The following STK39 variants were observed in gnomAD, a reference collection of about 807,000 sequenced individuals.
STK39 encodes serine/threonine kinase 39.
A neutral mutation model predicts 77.8 loss-of-function variants in STK39; 20 were observed. The ratio of observed to expected loss-of-function variants is 0.26; its 90% CI spans 0.18 to 0.37. The LOEUF (loss-of-function observed/expected upper bound fraction) is 0.37, where lower values mean the gene tolerates loss of function less well. STK39 is among the 10% of genes least tolerant of loss of function. STK39 has a pLI of 1.00. For missense variants in STK39, 479 were observed against 656.5 expected (o/e 0.73, Z 2.95); for synonymous variants, 246 against 234.1 (o/e 1.05, Z -0.47).
chr2:168,137,092 T>G (rs1687859514), intron 8 of STK39, among the ~76,000 whole-genome samples: 1 of 152,224 alleles, frequency 6.6e-6, no homozygotes, highest in African/African-American at 2.4e-5. Flanking sequence ...TAGAGAAGGC[T>G]TGCCTACTCA....
Position 168,247,556 on chromosome 2 carries a change from G to GCCGCCGCCGCCA in STK39, c.-122_-121insTGGCGGCGGCGG. ...CACGCCCTCCCCGCCCGCCGCCGCC[G>GCCGCCGCCGCCA]CCGCCGTCCCCGCCGAAGCCAGCTA... On this transcript the variant is annotated 5_prime_UTR_variant, in exon 1 of 18. Transcript: ENST00000355999. The GCCGCCGCCGCCA allele has an allele frequency of 1.3e-6, 1 of 745,106 alleles. No individual in the cohort carries two copies. The highest frequency in any genetic ancestry group is 1.7e-6 in the Non-Finnish European group (1 of 581,734). The allele number at this position is 745,106 out of a possible 1,614,324, so 46.2% of individuals were successfully genotyped here. A position where few individuals can be genotyped will look rare whatever the true frequency, so the allele number is the denominator to read the frequency against.
In STK39 at chr2:168,247,489, TG is replaced by T; in HGVS notation, c.-55del. 8.1e-7 allele frequency: 1 copy of T among 1,240,748 alleles called. No homozygotes were observed. 76.9% of individuals were successfully genotyped at this position (1,240,748 alleles called of 1,614,324 possible). On this transcript the variant is annotated 5_prime_UTR_variant, in exon 1 of 18. Transcript: ENST00000355999. ...GCCGGCCGACGGACGACCTTCCACT[TG>T]AAACTTCCTTTGCCTCGCCGCCGAC... is the stretch of plus-strand genomic sequence containing the variant.
At chr2:168,078,284 T>TC (rs1035032743) in intron 10 of STK39, among the ~76,000 whole-genome samples, 4 of 149,198 alleles carry the variant, frequency 2.7e-5, no homozygotes, top group African/African-American at 9.9e-5. Flanking sequence ...AAGTTCTGAT[T>TC]CCAAGAAAAG....
chr2:167,955,310 T>G lies in STK39; in HGVS notation c.*186A>C, dbSNP rs1236382131. On this transcript the variant is annotated 3_prime_UTR_variant, in exon 18 of 18. Coordinates refer to ENST00000355999, the MANE Select transcript of STK39 (RefSeq NM_013233.3). ...CTAGAGAATAAAGCAGAACTCGGAGTGTTGTAAGTTTTAAAAAATTATTTT... is the reference window on the plus strand; with the variant it reads ...CTAGAGAATAAAGCAGAACTCGGAGGGTTGTAAGTTTTAAAAAATTATTTT... 1.9e-6 allele frequency: 1 copy of G among 525,228 alleles called. No homozygotes were observed. Among genetic ancestry groups the G allele is most frequent in the African/African-American group, 1.9e-5 (1 of 52,276 alleles). 32.5% of individuals were successfully genotyped at this position (525,228 alleles called of 1,614,324 possible).
chr2:167,985,383 T>A (rs1683532337), intron 16 of STK39, among the ~76,000 whole-genome samples: 1 of 152,178 alleles, frequency 6.6e-6, no homozygotes, highest in African/African-American at 2.4e-5. Flanking sequence ...ATGAATAAAA[T>A]TAGCAGTGGA....
chr2:167,968,707 G>A (rs1187639892), intron 16 of STK39, among the ~76,000 whole-genome samples: 1 of 152,212 alleles, frequency 6.6e-6, no homozygotes, highest in African/African-American at 2.4e-5. Flanking sequence ...CAGAAAGGCA[G>A]CATGAGATTG....
In STK39 at chr2:168,140,363, T is replaced by C. The variant is rs1687948585; in HGVS notation, c.766A>G (p.Met256Val). 7 of 1,614,078 alleles carry C rather than the reference T, an allele frequency of 4.3e-6. No homozygotes were observed. Among genetic ancestry groups the C allele is most frequent in the Non-Finnish European group, 5.9e-6 (7 of 1,179,958 alleles). ...ATGGCAGTTATTCCAAAACTCCACA[T>C]GTCAGCCTTGAAGTCATAGCCTCTC... is the stretch of plus-strand genomic sequence containing the variant. ...QVRGYDFKAD[M>V]WSFGITAIEL... The change falls in exon 7 of 18, where the codon ATG becomes GTG. Residue 256 changes from methionine to valine, a missense_variant. Coordinates refer to ENST00000355999, the MANE Select transcript of STK39 (RefSeq NM_013233.3).
chr2:168,216,783 T>C (rs901516042), intron 1 of STK39, among the ~76,000 whole-genome samples: 1 of 152,234 alleles, frequency 6.6e-6, no homozygotes. Context: ...GATGATCTCA[T>C]GAACAGCAGC....
chr2:168,179,508 G>T (rs1689032109), intron 2 of STK39, among the ~76,000 whole-genome samples: 1 of 151,756 alleles, frequency 6.6e-6, no homozygotes, highest in Middle Eastern at 3.2e-3. Flanking sequence ...CAAGGGTAAG[G>T]AAACATCAAA....
At chr2:168,222,452 T>C (rs941609660) in intron 1 of STK39, among the ~76,000 whole-genome samples, 1 of 152,170 alleles carries the variant, frequency 6.6e-6, no homozygotes, top group African/African-American at 2.4e-5. Context: ...ATTCCTCATC[T>C]CCTCATATCT....
At chr2:167,971,998 T>C (rs932203606) in intron 16 of STK39, among the ~76,000 whole-genome samples, 5 of 152,228 alleles carry the variant, frequency 3.3e-5, no homozygotes, top group African/African-American at 7.2e-5. Flanking sequence ...TGCAACGCCT[T>C]GGGCAGCAAC....
intron 15 of STK39, 26 bp from the exon 16 acceptor site, chr2:168,012,728 A>G (rs778013536): frequency 6.3e-7 from 1 of 1,589,420 alleles, no homozygotes; most frequent in East Asian, 2.2e-5. Flanking sequence ...ATGAATATGT[A>G]TTAGTAACCA....
At chr2:168,211,125 A>T (rs1000123760) in intron 1 of STK39, among the ~76,000 whole-genome samples, 1 of 152,168 alleles carries the variant, frequency 6.6e-6, no homozygotes, top group African/African-American at 2.4e-5. Flanking sequence ...TTGCACCCTC[A>T]ATATTCTAGG....
intron 5 of STK39, 78 bp from the exon 6 acceptor site, chr2:168,140,836 C>A: frequency 8.3e-7 from 1 of 1,199,698 alleles, no homozygotes; most frequent in Non-Finnish European, 1.2e-6. Flanking sequence ...GAGCATGTCT[C>A]TTCTTTGTGA....
intron 1 of STK39, among the ~76,000 whole-genome samples, chr2:168,239,550 G>GC (rs1350763769): frequency 6.6e-6 from 1 of 152,120 alleles, no homozygotes; most frequent in Non-Finnish European, 1.5e-5. Context: ...TGGCCCAAAC[G>GC]CAACTAAATA....
chr2:168,111,962 C>T (rs1687130449), intron 10 of STK39, among the ~76,000 whole-genome samples: 1 of 152,178 alleles, frequency 6.6e-6, no homozygotes. Context: ...CCATCACAGT[C>T]ATTTTACCTG....
chr2:168,015,079 T>A (rs1684372201), intron 15 of STK39, among the ~76,000 whole-genome samples: 1 of 152,236 alleles, frequency 6.6e-6, no homozygotes, highest in Non-Finnish European at 1.5e-5. Flanking sequence ...AGTAAGATAC[T>A]AGTAATAGTT....
chr2:168,143,985 C>G (rs749675992), intron 5 of STK39, among the ~76,000 whole-genome samples: 1 of 152,334 alleles, frequency 6.6e-6, no homozygotes, highest in East Asian at 1.9e-4. Context: ...GTTAATGACA[C>G]AGCATCTCCG....
chr2:167,981,080 AT>A (rs749232680), intron 16 of STK39, among the ~76,000 whole-genome samples: 5 of 152,102 alleles, frequency 3.3e-5, no homozygotes, highest in Admixed American at 2.6e-4. Flanking sequence ...TTGAAATCTA[AT>A]CCTGTTTATA....
Sources: allele counts gnomAD v4.1 joint callset (sites outside exome capture counted in the v4.1 genomes callset), GRCh38; gene constraint gnomAD v4.1.1; transcripts MANE v1.5; gene names NCBI Gene and HGNC (gene_info 2026-07-23, HGNC 2026-07-21).